The following CDC42BPA variants were observed in gnomAD, a reference collection of about 807,000 sequenced individuals.
The protein encoded by CDC42BPA is CDC42 binding protein kinase alpha.
A neutral mutation model predicts 223.5 loss-of-function variants in CDC42BPA; 80 were observed. The ratio of observed to expected loss-of-function variants is 0.36; its 90% CI spans 0.30 to 0.43. The LOEUF (loss-of-function observed/expected upper bound fraction) is 0.43, where lower values mean the gene tolerates loss of function less well. Ranked by LOEUF, CDC42BPA falls within the 20% of genes least tolerant of loss-of-function variation. The pLI is 1.00. For missense variants in CDC42BPA, 1,743 were observed against 2,099.9 expected (o/e 0.83, Z 3.32); for synonymous variants, 694 against 718.6 (o/e 0.97, Z 0.55).
At chr1:227,131,710 G>A (rs775734412) in intron 10 of CDC42BPA, among the ~76,000 whole-genome samples, 1 of 152,172 alleles carries the variant, frequency 6.6e-6, no homozygotes, top group Non-Finnish European at 1.5e-5. Flanking sequence ...TTACAATATT[G>A]TGGAATCATG....
At chr1:227,240,485 C>A (rs1365904282) in intron 2 of CDC42BPA, among the ~76,000 whole-genome samples, 1 of 152,010 alleles carries the variant, frequency 6.6e-6, no homozygotes, top group Non-Finnish European at 1.5e-5. Context: ...GGACTCCATA[C>A]ACTCAGAGTT....
intron 35 of CDC42BPA, among the ~76,000 whole-genome samples, chr1:227,001,194 G>A (rs1341252963): frequency 1.3e-5 from 2 of 152,330 alleles, no homozygotes; most frequent in South Asian, 2.1e-4. Flanking sequence ...AACATAGTTG[G>A]CCTGTTCCTC....
chr1:227,315,264 T>C (rs988523222), intron 1 of CDC42BPA, among the ~76,000 whole-genome samples: 1 of 152,030 alleles, frequency 6.6e-6, no homozygotes, highest in African/African-American at 2.4e-5. Flanking sequence ...CTTATACATA[T>C]ATAAGAAACA....
intron 1 of CDC42BPA, among the ~76,000 whole-genome samples, chr1:227,289,552 T>C (rs72632812): frequency 0.098 from 14,864 of 152,230 alleles, 1,167 homozygotes; most frequent in East Asian, 0.36. Flanking sequence ...CTTATTTACA[T>C]GTCTATTTCC....
chr1:227,191,463 A>G (rs997825131), intron 5 of CDC42BPA, among the ~76,000 whole-genome samples: 1 of 152,210 alleles, frequency 6.6e-6, no homozygotes, highest in African/African-American at 2.4e-5. Context: ...AATTAGATGT[A>G]CTTAAGCAGA....
intron 17 of CDC42BPA, among the ~76,000 whole-genome samples, chr1:227,080,616 T>C (rs1680440818): frequency 6.6e-6 from 1 of 152,098 alleles, no homozygotes; most frequent in Non-Finnish European, 1.5e-5. Context: ...ACTCTGAAGG[T>C]GGTAACATTT....
In CDC42BPA at chr1:227,192,068, G is replaced by A. The variant is rs188919420; in HGVS notation, c.599+1718C>T. 6.6e-5 allele frequency among the ~76,000 whole-genome samples: 10 copies of A among 151,076 alleles called. No homozygotes were observed. In the East Asian group the frequency reaches 1.9e-3, roughly 29 times the overall value. On this transcript the variant is annotated intron_variant, in intron 5 of 36. Coordinates refer to ENST00000366766, the MANE Select transcript of CDC42BPA (RefSeq NM_001394014.1). ...CAGATACCCACAGAGAAAAGCACACGAATAGGCAAAAGCCAAACAGAGATC... is the reference window on the plus strand; with the variant it reads ...CAGATACCCACAGAGAAAAGCACACAAATAGGCAAAAGCCAAACAGAGATC...
At chr1:227,171,292 T>C (rs1428829982) in intron 5 of CDC42BPA, among the ~76,000 whole-genome samples, 3 of 152,242 alleles carry the variant, frequency 2.0e-5, no homozygotes, top group Admixed American at 1.3e-4. Flanking sequence ...AAAAGTTTTA[T>C]GATTTTAGTT....
At chr1:227,280,444 G>T (rs1687828183) in intron 1 of CDC42BPA, among the ~76,000 whole-genome samples, 1 of 152,192 alleles carries the variant, frequency 6.6e-6, no homozygotes, top group Admixed American at 6.5e-5. Context: ...TATAAAAATG[G>T]GAGATGGTTC....
At chr1:227,138,028 A>T (rs545669295) in intron 10 of CDC42BPA, among the ~76,000 whole-genome samples, 1 of 152,286 alleles carries the variant, frequency 6.6e-6, no homozygotes, top group Admixed American at 6.5e-5. Flanking sequence ...ACCACAGGAA[A>T]AAAAAGAAAC....
chr1:226,997,677 CTTAT>C (rs1292119654), intron 35 of CDC42BPA, among the ~76,000 whole-genome samples: 1 of 152,144 alleles, frequency 6.6e-6, no homozygotes, highest in African/African-American at 2.4e-5. Flanking sequence ...TCTTAAAGAA[CTTAT>C]TTATTTCTGC....
rs1694524507 is a variant in CDC42BPA at position 227,317,014 on chromosome 1, G to A, written c.169C>T (p.Leu57=). 6.2e-7 allele frequency: 1 copy of A among 1,611,902 alleles called. No individual in the cohort carries two copies. Among genetic ancestry groups the A allele is most frequent in the South Asian group, 1.1e-5 (1 of 90,932 alleles). ...AAAATTACAAACTTACCCCATTCTAGGTATTCGAGAATGTTCTTCTCTCTT... is the reference window on the plus strand; with the variant it reads ...AAAATTACAAACTTACCCCATTCTAAGTATTCGAGAATGTTCTTCTCTCTT... The part of the protein sequence containing the change: ...LRREKNILEY[L]EWAKPFTSKV... Residue 57 remains leucine (L), a synonymous_variant, in exon 1 of 37, where the codon CTA becomes TTA. Coordinates refer to ENST00000366766, the MANE Select transcript of CDC42BPA (RefSeq NM_001394014.1).
intron 5 of CDC42BPA, among the ~76,000 whole-genome samples, chr1:227,170,467 G>GGA (rs1665908325): frequency 9.6e-6 from 1 of 104,378 alleles, no homozygotes; most frequent in South Asian, 2.4e-4. Context: ...AAAAAAAAAA[G>GGA]AAAAAAAAAA....
intron 2 of CDC42BPA, 62 bp from the exon 3 acceptor site, chr1:227,213,281 A>G (rs989964536): frequency 9.1e-5 from 79 of 868,582 alleles, no homozygotes; most frequent in East Asian, 8.4e-5. Context: ...TCAGCCATCC[A>G]TTTTCCTTTT....
chr1:227,047,729 T>C (rs16846871), intron 23 of CDC42BPA, among the ~76,000 whole-genome samples, 198 bp downstream of exon 23: 10,519 of 152,190 alleles, frequency 0.069, 559 homozygotes, highest in East Asian at 0.25. Context: ...AAACATTGAA[T>C]TTAAGAAGAT....
intron 17 of CDC42BPA, among the ~76,000 whole-genome samples, chr1:227,077,679 C>G (rs541441771): frequency 3.5e-4 from 54 of 152,244 alleles, no homozygotes; most frequent in South Asian, 6.2e-4. Context: ...GAAATCTCTA[C>G]TAAGATGTCT....
At chr1:226,997,314 ATTT>A (rs1454954135) in intron 35 of CDC42BPA, among the ~76,000 whole-genome samples, 1 of 151,872 alleles carries the variant, frequency 6.6e-6, no homozygotes, top group African/African-American at 2.4e-5. Context: ...CCCCTTTATC[ATTT>A]TTTTATTATG....
intron 6 of CDC42BPA, among the ~76,000 whole-genome samples, chr1:227,154,776 G>A (rs1662414254): frequency 6.6e-6 from 1 of 151,958 alleles, no homozygotes; most frequent in South Asian, 2.1e-4. Context: ...CCATGTTATA[G>A]ACATAAATGT....
intron 32 of CDC42BPA, 100 bp downstream of exon 32, chr1:227,023,163 A>C (rs1667692836): frequency 6.4e-6 from 4 of 626,600 alleles, no homozygotes; most frequent in Non-Finnish European, 8.4e-6. Context: ...CTGTGTTGAA[A>C]TCTGGACTCT....
Sources: allele counts gnomAD v4.1 joint callset (sites outside exome capture counted in the v4.1 genomes callset), GRCh38; gene constraint gnomAD v4.1.1; transcripts MANE v1.5; gene names NCBI Gene and HGNC (gene_info 2026-07-23, HGNC 2026-07-21).